The following SH3GL2 variants were observed in gnomAD, a reference collection of about 807,000 sequenced individuals.
The protein encoded by SH3GL2 is endophilin-A1.
In SH3GL2, 24 loss-of-function variants were observed where a neutral mutation model predicts 46.0. That is an observed-to-expected ratio of 0.52 (90% CI 0.38 to 0.73). The LOEUF is 0.73. Ranked by LOEUF, SH3GL2 falls within the 30% of genes least tolerant of loss-of-function variation. SH3GL2 has a pLI of 0.00. For synonymous variants in SH3GL2, 196 were observed against 147.1 expected, an observed-to-expected ratio of 1.33 and a Z score of -2.40; for missense variants, 413 against 424.2, an observed-to-expected ratio of 0.97 and a Z score of 0.23.
Position 17,579,164 on chromosome 9 carries a change from G to C in SH3GL2, c.-79G>C. 6 of 1,066,104 alleles carry C rather than the reference G, an allele frequency of 5.6e-6. No individual in the cohort carries two copies. Among genetic ancestry groups the C allele is most frequent in the Non-Finnish European group, 7.9e-6 (6 of 763,886 alleles). The allele number at this position is 1,066,104 out of a possible 1,614,324, so 66.0% of individuals were successfully genotyped here. On this transcript the variant is annotated 5_prime_UTR_variant, in exon 1 of 9. Coordinates refer to ENST00000380607, the MANE Select transcript of SH3GL2 (RefSeq NM_003026.5). ...CACGACCAGAGGCGGCCAGGGGAGC[G>C]CGCCGCCCCGCTCGGCCCTCCAGTC...
chr9:17,757,688 T>G (rs1225076434), intron 2 of SH3GL2, among the ~76,000 whole-genome samples: 1 of 152,212 alleles, frequency 6.6e-6, no homozygotes, highest in Non-Finnish European at 1.5e-5. Flanking sequence ...CAGTTACATG[T>G]CATAAGTTCA....
intron 1 of SH3GL2, among the ~76,000 whole-genome samples, chr9:17,686,250 C>T (rs62548123): frequency 0.072 from 9,011 of 125,442 alleles, 214 homozygotes; most frequent in African/African-American, 0.13. Context: ...TACCATCTCA[C>T]ACCAGTTAGA....
chr9:17,744,879 C>G (rs999193684), intron 1 of SH3GL2, among the ~76,000 whole-genome samples: 31 of 152,208 alleles, frequency 2.0e-4, no homozygotes, highest in African/African-American at 6.7e-4. Flanking sequence ...ACTCAGGGCA[C>G]AAGTTAAGTG....
intron 1 of SH3GL2, among the ~76,000 whole-genome samples, chr9:17,670,123 CTCCA>C (rs1820437366): frequency 2.6e-5 from 4 of 152,138 alleles, no homozygotes; most frequent in Admixed American, 2.6e-4. Flanking sequence ...GCCTGAGCTA[CTCCA>C]TGTTGCTTAT....
intron 1 of SH3GL2, among the ~76,000 whole-genome samples, chr9:17,680,241 T>A (rs1427042922): frequency 6.6e-6 from 1 of 152,190 alleles, no homozygotes; most frequent in Non-Finnish European, 1.5e-5. Context: ...AGAATTCGGC[T>A]GTGAATCTGT....
chr9:17,611,116 T>C (rs1818856597), intron 1 of SH3GL2, among the ~76,000 whole-genome samples: 1 of 152,214 alleles, frequency 6.6e-6, no homozygotes, highest in South Asian at 2.1e-4. Context: ...ATTTTTGATG[T>C]TCATAGAGTA....
At chr9:17,649,601 C>T (rs187229300) in intron 1 of SH3GL2, among the ~76,000 whole-genome samples, 11 of 152,256 alleles carry the variant, frequency 7.2e-5, no homozygotes, top group African/African-American at 2.6e-4. Flanking sequence ...AAATAGTTTA[C>T]TATGTGCCTA....
chr9:17,726,104 C>A (rs958250112), intron 1 of SH3GL2, among the ~76,000 whole-genome samples: 28 of 152,096 alleles, frequency 1.8e-4, no homozygotes. Context: ...TTTCCAGAAA[C>A]TTTAAATGTT....
In SH3GL2 at chr9:17,791,223, A is replaced by G. The variant is rs371795756; in HGVS notation, c.625-8A>G. 2 of 1,604,636 alleles carry G rather than the reference A, an allele frequency of 1.2e-6. No homozygotes were observed. The highest frequency in any genetic ancestry group is 1.3e-5 in the African/African-American group (1 of 74,730). On this transcript the variant is annotated splice_region_variant and splice_polypyrimidine_tract_variant and intron_variant, in intron 6 of 8. Coordinates refer to ENST00000380607, the MANE Select transcript of SH3GL2 (RefSeq NM_003026.5). Reference sequence around the variant, plus strand: ...AAACTAAGGCATGATTTTCCCATCAATCTGCAGATTGAACAAGTGAGCCAG... The same window carrying G: ...AAACTAAGGCATGATTTTCCCATCAGTCTGCAGATTGAACAAGTGAGCCAG...
chr9:17,793,872 T>C (rs955629575), intron 8 of SH3GL2, among the ~76,000 whole-genome samples: 2 of 152,244 alleles, frequency 1.3e-5, no homozygotes, highest in African/African-American at 2.4e-5. Context: ...CCAGCCTGTA[T>C]GACAGTGAAT....
intron 1 of SH3GL2, among the ~76,000 whole-genome samples, chr9:17,674,277 AT>A (rs951196712): frequency 2.7e-5 from 4 of 150,210 alleles, no homozygotes; most frequent in African/African-American, 7.6e-5. Context: ...TTATTTATTT[AT>A]TTTTTTAAGA....
At chr9:17,599,357 T>C (rs1818628127) in intron 1 of SH3GL2, among the ~76,000 whole-genome samples, 1 of 152,142 alleles carries the variant, frequency 6.6e-6, no homozygotes. Context: ...GGGATTAAGA[T>C]TTGCAGCATA....
intron 1 of SH3GL2, among the ~76,000 whole-genome samples, chr9:17,626,904 C>G (rs538116858): frequency 5.3e-5 from 8 of 152,064 alleles, no homozygotes; most frequent in Non-Finnish European, 1.2e-4. Context: ...TTCTAACTAC[C>G]AAATTTGGGG....
chr9:17,702,610 C>T (rs927971799), intron 1 of SH3GL2, among the ~76,000 whole-genome samples: 4 of 152,040 alleles, frequency 2.6e-5, no homozygotes, highest in Non-Finnish European at 5.9e-5. Context: ...CATATCATTG[C>T]ATCTAAAACA....
chr9:17,642,296 C>T (rs1819704711), intron 1 of SH3GL2, among the ~76,000 whole-genome samples: 2 of 152,030 alleles, frequency 1.3e-5, no homozygotes, highest in African/African-American at 2.4e-5. Flanking sequence ...AAATTTTCTC[C>T]CATTCTGTAG....
chr9:17,627,243 C>T (rs1443248272), intron 1 of SH3GL2, among the ~76,000 whole-genome samples: 2 of 152,138 alleles, frequency 1.3e-5, no homozygotes, highest in South Asian at 4.1e-4. Context: ...TGTTTTCATC[C>T]TGCAGCGCCA....
intron 1 of SH3GL2, among the ~76,000 whole-genome samples, chr9:17,687,153 C>T (rs76908517): frequency 0.029 from 4,339 of 152,156 alleles, 191 homozygotes; most frequent in African/African-American, 0.1. Context: ...TGCTCTCTCA[C>T]ATTAAGTGTA....
At chr9:17,776,672 T>TTTC (rs1161633169) in intron 3 of SH3GL2, among the ~76,000 whole-genome samples, 1 of 151,694 alleles carries the variant, frequency 6.6e-6, no homozygotes, top group Non-Finnish European at 1.5e-5. Flanking sequence ...TCCCATCTTT[T>TTTC]TTTTTTTTTA....
intron 1 of SH3GL2, among the ~76,000 whole-genome samples, chr9:17,690,215 C>T (rs1821039678): frequency 1.3e-5 from 2 of 152,168 alleles, no homozygotes; most frequent in South Asian, 4.1e-4. Context: ...AAAGAAGTGA[C>T]TGCTCAGTAG....
Sources: allele counts gnomAD v4.1 joint callset (sites outside exome capture counted in the v4.1 genomes callset), GRCh38; gene constraint gnomAD v4.1.1; transcripts MANE v1.5; gene names NCBI Gene and HGNC (gene_info 2026-07-23, HGNC 2026-07-21).